BNC2: variants seen among roughly 807,000 people sequenced by gnomAD.
The protein encoded by BNC2 is zinc finger protein basonuclin-2.
A neutral mutation model predicts 76.3 loss-of-function variants in BNC2; 20 were observed. The observed-to-expected ratio is 0.26, with a 90% CI of 0.18 to 0.38. The LOEUF is 0.38. BNC2 is among the 10% of genes least tolerant of loss of function. BNC2 has a pLI of 1.00. For missense variants in BNC2, 1,382 were observed against 1,399.8 expected (o/e 0.99, Z 0.20); for synonymous variants, 582 against 514.8 (o/e 1.13, Z -1.77).
At chr9:16,487,012 G>C (rs1263812247) in intron 5 of BNC2, among the ~76,000 whole-genome samples, 2 of 152,184 alleles carry the variant, frequency 1.3e-5, no homozygotes, top group Non-Finnish European at 2.9e-5. Context: ...CTTGGCCATA[G>C]ACATCGTTAA....
intron 3 of BNC2, among the ~76,000 whole-genome samples, chr9:16,596,555 T>C (rs940076501): frequency 6.6e-6 from 1 of 152,160 alleles, no homozygotes; most frequent in Non-Finnish European, 1.5e-5. Context: ...GGACAGAATA[T>C]GGATACTGGC....
intron 5 of BNC2, among the ~76,000 whole-genome samples, chr9:16,542,514 G>C (rs1227969777): frequency 1.3e-5 from 2 of 152,186 alleles, no homozygotes; most frequent in African/African-American, 4.8e-5. Context: ...TAAAACAATT[G>C]TTCATGCATC....
At chr9:16,657,722 G>A (rs77760031) in intron 3 of BNC2, among the ~76,000 whole-genome samples, 6,676 of 148,244 alleles carry the variant, frequency 0.045, 323 homozygotes, top group South Asian at 0.15. Flanking sequence ...GGAATAATGT[G>A]CAGACTCTTA....
rs1279441546 is a variant in BNC2 at position 16,539,656 on chromosome 9, AAGGG to A, written c.669+12870_669+12873del. Among the ~76,000 whole-genome samples the A allele has an allele frequency of 2.1e-3, 77 of 35,908 alleles. 1 individual carries two copies. The highest frequency in any genetic ancestry group is 0.02 in the East Asian group (29 of 1,462). The allele number at this position is 35,908 out of a possible 152,430, so 23.6% of individuals were successfully genotyped here. On this transcript the variant is annotated intron_variant, in intron 5 of 6. Coordinates refer to ENST00000380672, the MANE Select transcript of BNC2 (RefSeq NM_017637.6). Reference sequence around the variant, plus strand: ...GAGCGAGGGAGGGAGAGAGAGAGAGAAGGGAGGGAGGGAGGGAGGGAGGAAGGAA... The same window carrying A: ...GAGCGAGGGAGGGAGAGAGAGAGAGAAGGGAGGGAGGGAGGGAGGAAGGAA...
At chr9:16,835,192 T>C (rs1818673966) in intron 1 of BNC2, among the ~76,000 whole-genome samples, 1 of 152,222 alleles carries the variant, frequency 6.6e-6, no homozygotes, top group East Asian at 1.9e-4. Context: ...TAGCAAACAT[T>C]ATTCGTCTTT....
At chr9:16,658,707 A>G (rs936608195) in intron 3 of BNC2, among the ~76,000 whole-genome samples, 2 of 152,170 alleles carry the variant, frequency 1.3e-5, no homozygotes, top group Admixed American at 6.5e-5. Context: ...CTGTCTCTTA[A>G]GGAAAGACTG....
rs191525544 is a variant in BNC2, at chr9:16,418,875, A to G, written c.*114T>C. ...GTAGCCACAGAGCATACATAAATGC[A>G]CACACACACACACACACACACACAC... On this transcript the variant is annotated 3_prime_UTR_variant, in exon 7 of 7. Coordinates refer to ENST00000380672, the MANE Select transcript of BNC2 (RefSeq NM_017637.6). The G allele has an allele frequency of 0.12, 86,659 of 718,240 alleles. 2,285 individuals carry two copies. The highest frequency in any genetic ancestry group is 0.15 in the Non-Finnish European group (69,275 of 455,812). 44.5% of individuals were successfully genotyped at this position (718,240 alleles called of 1,614,324 possible).
At chr9:16,848,301 G>A (rs1340114414) in intron 1 of BNC2, among the ~76,000 whole-genome samples, 1 of 152,206 alleles carries the variant, frequency 6.6e-6, no homozygotes, top group Non-Finnish European at 1.5e-5. Flanking sequence ...CATCGATGAA[G>A]TCAGGTGTAG....
intron 3 of BNC2, among the ~76,000 whole-genome samples, chr9:16,592,655 T>C (rs1355757815): frequency 1.3e-5 from 2 of 152,166 alleles, no homozygotes; most frequent in Non-Finnish European, 2.9e-5. Flanking sequence ...GGGTGGAATG[T>C]ATGGTAAGTG....
At chr9:16,671,029 G>T (rs1474552465) in intron 3 of BNC2, among the ~76,000 whole-genome samples, 1 of 152,084 alleles carries the variant, frequency 6.6e-6, no homozygotes, top group African/African-American at 2.4e-5. Flanking sequence ...TTCATGCTCA[G>T]ACGGCCATAC....
At chr9:16,709,309 G>A (rs1050297934) in intron 3 of BNC2, among the ~76,000 whole-genome samples, 1 of 152,216 alleles carries the variant, frequency 6.6e-6, no homozygotes, top group African/African-American at 2.4e-5. Flanking sequence ...ACACAGAAGA[G>A]AAGGAATAAC....
chr9:16,780,529 A>G (rs1461119298), intron 1 of BNC2, among the ~76,000 whole-genome samples: 2 of 151,872 alleles, frequency 1.3e-5, no homozygotes, highest in South Asian at 2.1e-4. Context: ...CCGAGATCAC[A>G]CCACTACACT....
At chr9:16,755,928 T>C (rs950687382) in intron 1 of BNC2, among the ~76,000 whole-genome samples, 2 of 152,208 alleles carry the variant, frequency 1.3e-5, no homozygotes, top group African/African-American at 2.4e-5. Context: ...GGAACAGAGA[T>C]AAATCTCTCT....
intron 3 of BNC2, chr9:16,625,902 G>C (rs1333581124): frequency 1.3e-5 from 2 of 152,230 alleles, no homozygotes; most frequent in Admixed American, 6.5e-5. Context: ...TCCAAGGTAA[G>C]CACTTGCAAT....
chr9:16,504,987 G>C (rs1413193388), intron 5 of BNC2, among the ~76,000 whole-genome samples: 1 of 152,220 alleles, frequency 6.6e-6, no homozygotes, highest in Non-Finnish European at 1.5e-5. Context: ...TAAAAGAGAA[G>C]ACTATGAAGT....
At chr9:16,513,296 G>GTTTTT (rs1822801554) in intron 5 of BNC2, among the ~76,000 whole-genome samples, 1 of 138,094 alleles carries the variant, frequency 7.2e-6, no homozygotes, top group African/African-American at 2.8e-5. Flanking sequence ...ATGAGAAAAG[G>GTTTTT]TTCTTTTTTT....
Position 16,552,652 on chromosome 9 carries a change from G to A in BNC2, c.547C>T (p.Pro183Ser), listed in dbSNP as rs1217314388. 1.2e-6 allele frequency: 2 copies of A among 1,614,214 alleles called. No homozygotes were observed. The highest frequency in any genetic ancestry group is 2.7e-5 in the African/African-American group (2 of 75,060). The part of the protein sequence containing the change: ...SLMLYGTQAV[P>S]VRLKILLDRL... The stretch of plus-strand genomic sequence containing the variant: ...TCCAGCAGGATCTTTAGCCGCACAG[G>A]CACTGCTTGTGTCCCATAGAGCATC... Residue 183 changes from proline to serine, a missense_variant, in exon 5 of 7, where the codon CCT becomes TCT. Around this residue, in one of 3 missense-constraint regions of BNC2, gnomAD observed 557 missense variants for 540.9 expected, o/e 1.03. Transcript: ENST00000380672.
At chr9:16,508,873 G>C (rs7025647) in intron 5 of BNC2, among the ~76,000 whole-genome samples, 19,764 of 149,304 alleles carry the variant, frequency 0.13, 3,967 homozygotes, top group African/African-American at 0.44. Flanking sequence ...CCGAGGCTGG[G>C]GTGCAGTGGC....
intron 1 of BNC2, among the ~76,000 whole-genome samples, chr9:16,824,005 T>C (rs774427925): frequency 5.0e-4 from 76 of 152,182 alleles, no homozygotes; most frequent in Non-Finnish European, 9.8e-4. Context: ...TTGTAGCTCT[T>C]TGCATAGATT....
Sources: allele counts gnomAD v4.1 joint callset (sites outside exome capture counted in the v4.1 genomes callset), GRCh38; gene constraint gnomAD v4.1.1; regional missense constraint gnomAD v4.1.1; transcripts MANE v1.5; gene names NCBI Gene and HGNC (gene_info 2026-07-23, HGNC 2026-07-21).